Variants in GLYATL2 observed in about 807,000 individuals in gnomAD.
The protein encoded by GLYATL2 is glycine-N-acyltransferase like 2, also known as glycine N-acyltransferase-like protein 2.
A neutral mutation model predicts 21.4 loss-of-function variants in GLYATL2; 25 were observed. That is an observed-to-expected ratio of 1.17 (90% confidence interval 0.85 to 1.63). The LOEUF (loss-of-function observed/expected upper bound fraction) is 1.63. Ranked by LOEUF, GLYATL2 falls within the 40% of genes most tolerant of loss-of-function variation. The pLI, the probability that GLYATL2 is intolerant of heterozygous loss-of-function variation, is 0.00. For synonymous variants in GLYATL2, 114 were observed against 118.2 expected (o/e 0.96, Z 0.23); for missense variants, 361 against 343.3 (o/e 1.05, Z -0.41).
chr11:58,862,097 G>A (rs1853942703), intron 1 of GLYATL2, among the ~76,000 whole-genome samples: 1 of 151,994 alleles, frequency 6.6e-6, no homozygotes, highest in Admixed American at 6.6e-5. Flanking sequence ...AGTATTTTTG[G>A]TTGACACTGT....
At chr11:58,842,371 A>G (rs1853568638) in intron 1 of GLYATL2, among the ~76,000 whole-genome samples, 1 of 152,164 alleles carries the variant, frequency 6.6e-6, no homozygotes. Flanking sequence ...GGTGAAGAGA[A>G]AAACATCAAT....
At chr11:58,881,442 A>C (rs1212178331) in intron 1 of GLYATL2, among the ~76,000 whole-genome samples, 2 of 152,200 alleles carry the variant, frequency 1.3e-5, no homozygotes, top group Non-Finnish European at 2.9e-5. Flanking sequence ...TGTCAAAATT[A>C]TTCATTTTTT....
At chr11:58,838,389 G>A in intron 2 of GLYATL2, 21 bp from the exon 3 acceptor site, 1 of 1,465,298 alleles carries the variant, frequency 6.8e-7, no homozygotes, top group Non-Finnish European at 9.5e-7. Flanking sequence ...ACAGAACAAA[G>A]CAGGAGAGGA....
At chr11:58,882,051 G>T (rs761548286) in intron 1 of GLYATL2, among the ~76,000 whole-genome samples, 5 of 152,186 alleles carry the variant, frequency 3.3e-5, no homozygotes, top group Non-Finnish European at 7.3e-5. Flanking sequence ...ATGTGTGCAT[G>T]TGTCTTTATA....
At chr11:58,849,411 C>T (rs1443765271), upstream of GLYATL2, among the ~76,000 whole-genome samples, 1 of 152,130 alleles carries the variant, frequency 6.6e-6, no homozygotes, top group East Asian at 1.9e-4. Context: ...TGAGCCACCA[C>T]ACCTGGCCTA....
chr11:58,878,190 T>A (rs984772801), intron 1 of GLYATL2: 1 of 242,720 alleles, frequency 4.1e-6, no homozygotes, highest in African/African-American at 2.3e-5. Context: ...GCTGCCAGAT[T>A]CCGGAATTCT....
At chr11:58,901,796 G>A (rs1854744702) in intron 1 of GLYATL2, among the ~76,000 whole-genome samples, 1 of 152,110 alleles carries the variant, frequency 6.6e-6, no homozygotes, top group South Asian at 2.1e-4. Flanking sequence ...AGACCAAAAT[G>A]AGTCAACTAC....
intron 1 of GLYATL2, among the ~76,000 whole-genome samples, chr11:58,870,469 G>T (rs1854098462): frequency 6.6e-6 from 1 of 152,162 alleles, no homozygotes; most frequent in African/African-American, 2.4e-5. Context: ...TGCAGGAGTT[G>T]CACAAAAGAA....
At chr11:58,901,565 G>A (rs1178499275) in intron 1 of GLYATL2, among the ~76,000 whole-genome samples, 1 of 152,142 alleles carries the variant, frequency 6.6e-6, no homozygotes, top group African/African-American at 2.4e-5. Context: ...TATACTTAGG[G>A]AATGGAGACT....
upstream of GLYATL2, among the ~76,000 whole-genome samples, chr11:58,848,522 A>C (rs933494645): frequency 1.3e-5 from 2 of 152,240 alleles, no homozygotes; most frequent in African/African-American, 4.8e-5. Flanking sequence ...GTTAAAAAGA[A>C]TCAGAAATTC....
intron 1 of GLYATL2, chr11:58,892,216 G>A: frequency 6.0e-6 from 1 of 166,490 alleles, no homozygotes; most frequent in Non-Finnish European, 1.3e-5. Flanking sequence ...ATCCTATACA[G>A]GATATGACTG....
chr11:58,904,520 C>T (rs1420278444), upstream of GLYATL2, among the ~76,000 whole-genome samples: 2 of 152,142 alleles, frequency 1.3e-5, no homozygotes, highest in East Asian at 1.9e-4. Context: ...CTTTTTTCCT[C>T]CAGATTCTAC....
At chr11:58,900,406 G>T (rs142853693) in intron 1 of GLYATL2, among the ~76,000 whole-genome samples, 4 of 152,264 alleles carry the variant, frequency 2.6e-5, no homozygotes, top group African/African-American at 7.2e-5. Flanking sequence ...ACCTATGGAA[G>T]GTGCGAAAGC....
upstream of GLYATL2, among the ~76,000 whole-genome samples, chr11:58,846,653 C>G (rs116967972): frequency 2.5e-3 from 374 of 152,238 alleles, 7 homozygotes; most frequent in South Asian, 0.036. Context: ...AGTCCTAACC[C>G]GAGGGGAATC....
At position 58,875,839 on chromosome 11, in the gene GLYATL2, C is replaced by T. The variant is rs199828052; in HGVS notation, n.60+28317G>A. Among the ~76,000 whole-genome samples, 8 of 152,278 alleles carry T rather than the reference C, an allele frequency of 5.3e-5. No individual in the cohort carries two copies. In the East Asian group the frequency reaches 7.7e-4, roughly 15 times the overall value. Reference sequence around the variant, plus strand: ...TTCCTGAATCTGAATGTTGGCCTGCCTTGCTGGATTGGGGAAGTTCTCCTG... The same window carrying T: ...TTCCTGAATCTGAATGTTGGCCTGCTTTGCTGGATTGGGGAAGTTCTCCTG... On this transcript the variant is annotated intron_variant and non_coding_transcript_variant, in intron 1 of 4. Transcript: ENST00000533636.
chr11:58,905,482 C>T (rs575131204), upstream of GLYATL2: 1 of 456,266 alleles, frequency 2.2e-6, no homozygotes, highest in Non-Finnish European at 4.4e-6. Flanking sequence ...GGCTATTCCC[C>T]TTGCAGCTCT....
intron 1 of GLYATL2, among the ~76,000 whole-genome samples, chr11:58,855,933 G>A (rs1853820472): frequency 6.6e-6 from 1 of 152,064 alleles, no homozygotes; most frequent in South Asian, 2.1e-4. Context: ...AGACCAGCCT[G>A]ACCAACATGG....
upstream of GLYATL2, chr11:58,908,640 G>C (rs1267409394): frequency 6.5e-6 from 1 of 153,286 alleles, no homozygotes; most frequent in African/African-American, 2.4e-5. Flanking sequence ...AAGAATAATA[G>C]TTATAAGTCC....
At chr11:58,847,337 G>T (rs1853661549), upstream of GLYATL2, among the ~76,000 whole-genome samples, 1 of 152,162 alleles carries the variant, frequency 6.6e-6, no homozygotes, top group Non-Finnish European at 1.5e-5. Context: ...AAGAGACTTT[G>T]TTTTGCACCT....
Sources: allele counts gnomAD v4.1 joint callset (sites outside exome capture counted in the v4.1 genomes callset), GRCh38; gene constraint gnomAD v4.1.1; transcripts MANE v1.5; gene names NCBI Gene and HGNC (gene_info 2026-07-23, HGNC 2026-07-21).